TMEM140: variants seen among roughly 807,000 people sequenced by gnomAD.
TMEM140 encodes transmembrane protein 140.
For missense variants in TMEM140, 236 were observed against 228.5 expected (o/e 1.03, Z -0.21); for synonymous variants, 107 against 106.8 (o/e 1.00, Z -0.01).
chr7:135,155,018 T>C (rs1458094006), intron 1 of TMEM140, among the ~76,000 whole-genome samples: 1 of 152,228 alleles, frequency 6.6e-6, no homozygotes, highest in South Asian at 2.1e-4. Context: ...GGTGCTTCAA[T>C]GTTGGGTACA....
chr7:135,154,512 G>A (rs2117437244), intron 1 of TMEM140, among the ~76,000 whole-genome samples: 1 of 152,110 alleles, frequency 6.6e-6, no homozygotes, highest in South Asian at 2.1e-4. Flanking sequence ...TTCCCTCTTA[G>A]CACTTCTTTT....
At position 135,164,858 on chromosome 7, in the gene TMEM140, G is replaced by T; in HGVS notation, c.417G>T (p.Trp139Cys). ...TGGGCCTCTTCCTCTCCTATGTGTG[G>T]AAGTGGGTCAGGCTCTCCCTCCCGG... is the stretch of plus-strand genomic sequence containing the variant. ...GGLGLFLSYV[W>C]KWVRLSLPGP... The change falls in exon 2 of 2, where the codon TGG (tryptophan) becomes TGT (cysteine). Residue 139 changes from tryptophan (W) to cysteine (C), a missense_variant. By Grantham distance (215) the Trp-to-Cys change is radical. Coordinates refer to ENST00000275767, the MANE Select transcript of TMEM140 (RefSeq NM_018295.5). 1.2e-6 allele frequency: 2 copies of T among 1,613,996 alleles called. No homozygotes were observed. Among genetic ancestry groups the T allele is most frequent in the Non-Finnish European group, 8.5e-7 (1 of 1,179,886 alleles).
Position 135,151,382 on chromosome 7 carries a change from C to T in TMEM140, c.-25+3112C>T, listed in dbSNP as rs1829662199. On this transcript the variant is annotated intron_variant, in intron 1 of 1. Transcript: ENST00000275767. The surrounding 1 kb of genome is among the most constrained non-coding windows in gnomAD (Gnocchi z 4.3). Reference sequence around the variant, plus strand: ...ATTTTTGTGACAGCCACACCTAAACCATGAGCACACTGATCTTCAATGTGT... The same window carrying T: ...ATTTTTGTGACAGCCACACCTAAACTATGAGCACACTGATCTTCAATGTGT... Among the ~76,000 whole-genome samples the T allele has an allele frequency of 6.6e-6, 1 of 152,200 alleles. No homozygotes were observed. Among genetic ancestry groups the T allele is most frequent in the Non-Finnish European group, 1.5e-5 (1 of 68,034 alleles).
chr7:135,159,374 C>T (rs1829872884), intron 1 of TMEM140, among the ~76,000 whole-genome samples: 1 of 152,228 alleles, frequency 6.6e-6, no homozygotes, highest in African/African-American at 2.4e-5. Context: ...TCTCTTTCAG[C>T]CGCCATCCCA....
chr7:135,152,323 C>G (rs1829683862), intron 1 of TMEM140, among the ~76,000 whole-genome samples: 1 of 152,236 alleles, frequency 6.6e-6, no homozygotes, highest in Non-Finnish European at 1.5e-5. Flanking sequence ...ATAACATCCA[C>G]ACAAGGGTGT....
rs1393009736 is a variant in TMEM140, at chr7:135,164,830, G to T, written c.389G>T (p.Gly130Val). Reference protein sequence around the residue: ...LAVSSVLLAGGLGLFLSYVWK... With the variant: ...LAVSSVLLAGVLGLFLSYVWK... The stretch of plus-strand genomic sequence containing the variant: ...GTGTCCTCTGTGCTGCTGGCAGGCG[G>T]CCTGGGCCTCTTCCTCTCCTATGTG... The change falls in exon 2 of 2, where the codon GGC becomes GTC. Residue 130 changes from glycine to valine, a missense_variant. Physicochemically the swap from Gly to Val is moderately radical, Grantham distance 109. Transcript: ENST00000275767. 5.6e-6 allele frequency: 9 copies of T among 1,614,080 alleles called. No homozygotes were observed. The highest frequency in any genetic ancestry group is 7.6e-6 in the Non-Finnish European group (9 of 1,179,928).
At chr7:135,148,486 C>G (rs947393618) in intron 1 of TMEM140, among the ~76,000 whole-genome samples, 9 of 152,310 alleles carry the variant, frequency 5.9e-5, no homozygotes, top group East Asian at 3.9e-4. Context: ...TCTTCGGCAT[C>G]AACATGTGTA....
chr7:135,164,555 C>A lies in TMEM140; in HGVS notation c.114C>A (p.Asn38Lys). ...MFYALLWEAG[N>K]LTDLPNLRIG... The stretch of plus-strand genomic sequence containing the variant: ...ACGCTCTTCTCTGGGAGGCTGGCAA[C>A]CTCACTGACCTGCCCAACCTGAGAA... Residue 38 changes from asparagine (N) to lysine (K), a missense_variant, in exon 2 of 2, where the codon AAC (asparagine) becomes AAA (lysine). By Grantham distance (94) the Asn-to-Lys change is moderately conservative. Coordinates refer to ENST00000275767, the MANE Select transcript of TMEM140 (RefSeq NM_018295.5). 6.2e-7 allele frequency: 1 copy of A among 1,614,198 alleles called. No homozygotes were observed. Among genetic ancestry groups the A allele is most frequent in the Non-Finnish European group, 8.5e-7 (1 of 1,179,998 alleles).
intron 1 of TMEM140, among the ~76,000 whole-genome samples, chr7:135,156,199 A>G (rs1159268203): frequency 6.6e-6 from 1 of 152,166 alleles, no homozygotes; most frequent in Admixed American, 6.5e-5. Flanking sequence ...TTGACTTCAG[A>G]CATTTTGAAT....
chr7:135,165,246 CA>C lies in TMEM140; in HGVS notation c.*248del. ...GCTCCCAAAGACTCCCTAAACCATG[CA>C]GCTCATTGTCACACCAATTCCTGCT... On this transcript the variant is annotated 3_prime_UTR_variant, in exon 2 of 2. Transcript: ENST00000275767. 1 of 449,772 alleles carries C rather than the reference CA, an allele frequency of 2.2e-6. No individual in the cohort carries two copies. The highest frequency in any genetic ancestry group is 4.1e-6 in the Non-Finnish European group (1 of 244,042). 27.9% of individuals were successfully genotyped at this position (449,772 alleles called of 1,614,324 possible).
In TMEM140 at chr7:135,161,586, C is replaced by T. The variant is rs1394956610; in HGVS notation, c.-24-2832C>T. Reference sequence around the variant, plus strand: ...CATTTACTAAATAAGCAAAACCATACAAAATATGTTCCCGTCGGCAATTTT... The same window carrying T: ...CATTTACTAAATAAGCAAAACCATATAAAATATGTTCCCGTCGGCAATTTT... On this transcript the variant is annotated intron_variant, in intron 1 of 1. Coordinates refer to ENST00000275767, the MANE Select transcript of TMEM140 (RefSeq NM_018295.5). The surrounding 1 kb of genome is among the most constrained non-coding windows in gnomAD (Gnocchi z 4.1). 2.6e-5 allele frequency among the ~76,000 whole-genome samples: 4 copies of T among 152,176 alleles called. No individual in the cohort carries two copies. Among genetic ancestry groups the T allele is most frequent in the East Asian group, 3.8e-4 (2 of 5,202 alleles).
intron 1 of TMEM140, among the ~76,000 whole-genome samples, chr7:135,163,297 G>C (rs1829995160): frequency 6.6e-6 from 1 of 152,190 alleles, no homozygotes; most frequent in South Asian, 2.1e-4. Flanking sequence ...TATTAACAGT[G>C]GTTTTATGTG....
At chr7:135,160,730 T>A (rs1829911019) in intron 1 of TMEM140, among the ~76,000 whole-genome samples, 1 of 108,014 alleles carries the variant, frequency 9.3e-6, no homozygotes. Context: ...TTTCATTCGC[T>A]CATTTAAAAA....
chr7:135,156,041 T>G (rs1047391596), intron 1 of TMEM140, among the ~76,000 whole-genome samples: 1 of 152,198 alleles, frequency 6.6e-6, no homozygotes, highest in Non-Finnish European at 1.5e-5. Flanking sequence ...TGTTTTTTTT[T>G]TTCCCTTTAG....
intron 1 of TMEM140, among the ~76,000 whole-genome samples, chr7:135,152,286 T>G (rs1036655885): frequency 6.6e-6 from 1 of 152,226 alleles, no homozygotes; most frequent in Non-Finnish European, 1.5e-5. Context: ...CACACTGTCT[T>G]CACTACGTCA....
intron 1 of TMEM140, among the ~76,000 whole-genome samples, chr7:135,149,456 C>G (rs752922634): frequency 6.6e-6 from 1 of 152,194 alleles, no homozygotes; most frequent in East Asian, 1.9e-4. Context: ...AGCTGCTTCC[C>G]ATTTTGTGCC....
chr7:135,148,120 C>G lies in TMEM140; in HGVS notation c.-175C>G. 2.2e-6 allele frequency: 1 copy of G among 455,684 alleles called. No individual in the cohort carries two copies. Among genetic ancestry groups the G allele is most frequent in the South Asian group, 1.5e-5 (1 of 64,526 alleles). 28.2% of individuals were successfully genotyped at this position (455,684 alleles called of 1,614,324 possible). A position where few individuals can be genotyped will look rare whatever the true frequency, so the allele number is the denominator to read the frequency against. On this transcript the variant is annotated 5_prime_UTR_variant, in exon 1 of 2. Coordinates refer to ENST00000275767, the MANE Select transcript of TMEM140 (RefSeq NM_018295.5). ...CTGCGAAGGCAAGGGGGCACCAGCT[C>G]AGGACTGCATCTGCCTGCCATTTCC... is the stretch of plus-strand genomic sequence containing the variant.
intron 1 of TMEM140, among the ~76,000 whole-genome samples, chr7:135,148,770 A>G (rs189272832): frequency 5.3e-5 from 8 of 152,348 alleles, no homozygotes; most frequent in African/African-American, 1.9e-4. Context: ...TCTTGCCTCA[A>G]AGAATGGGAC....
At chr7:135,164,322 G>T in intron 1 of TMEM140, 96 bp from the exon 2 acceptor site, 1 of 1,037,334 alleles carries the variant, frequency 9.6e-7, no homozygotes, top group South Asian at 1.6e-5. Context: ...AACTTGCCAT[G>T]AGTTTGTAAG....
Sources: allele counts gnomAD v4.1 joint callset (sites outside exome capture counted in the v4.1 genomes callset), GRCh38; gene constraint gnomAD v4.1.1; non-coding constraint Gnocchi (gnomAD v3.1); transcripts MANE v1.5; gene names NCBI Gene and HGNC (gene_info 2026-07-23, HGNC 2026-07-21).